ZBTB1: variants seen among roughly 807,000 people sequenced by gnomAD.
The protein encoded by ZBTB1 is zinc finger and BTB domain containing 1.
ZBTB1 carries 13 observed loss-of-function variants against 51.6 expected under a neutral mutation model. The ratio of observed to expected loss-of-function variants is 0.25; its 90% confidence interval spans 0.16 to 0.40. The LOEUF (loss-of-function observed/expected upper bound fraction) is 0.40. Ranked by LOEUF, ZBTB1 falls within the 10% of genes least tolerant of loss-of-function variation. ZBTB1 has a pLI of 1.00. For missense variants in ZBTB1, 567 were observed against 856.5 expected, an observed-to-expected ratio of 0.66 and a Z score of 4.22; for synonymous variants, 240 against 282.2, an observed-to-expected ratio of 0.85 and a Z score of 1.50.
chr14:64,526,659 A>C (rs2079906062), downstream of ZBTB1, among the ~76,000 whole-genome samples: 1 of 152,188 alleles, frequency 6.6e-6, no homozygotes, highest in South Asian at 2.1e-4. Flanking sequence ...AACAGGACTA[A>C]GAATCTCAGA....
downstream of ZBTB1, among the ~76,000 whole-genome samples, chr14:64,527,546 G>C (rs1014194441): frequency 6.6e-6 from 1 of 152,132 alleles, no homozygotes; most frequent in African/African-American, 2.4e-5. Flanking sequence ...AGGAGATGGA[G>C]GTTGCAGTGA....
downstream of ZBTB1, among the ~76,000 whole-genome samples, chr14:64,526,342 C>T (rs1292157841): frequency 6.6e-6 from 1 of 152,212 alleles, no homozygotes; most frequent in Non-Finnish European, 1.5e-5. Flanking sequence ...GGCAGAGCTG[C>T]AGAGCTGTCA....
intron 1 of ZBTB1, among the ~76,000 whole-genome samples, chr14:64,517,280 G>A (rs964282124): frequency 6.6e-6 from 1 of 152,098 alleles, no homozygotes; most frequent in African/African-American, 2.4e-5. Context: ...GGGTCAATGA[G>A]GATAAGCAAG....
chr14:64,522,481 T>C lies in ZBTB1; in HGVS notation c.977T>C (p.Ile326Thr). 1 of 1,614,094 alleles carries C rather than the reference T, an allele frequency of 6.2e-7. No homozygotes were observed. The highest frequency in any genetic ancestry group is 8.5e-7 in the Non-Finnish European group (1 of 1,180,020). ...KSRAAERKRI[I>T]IKMEPEDIPT... ...AGAGCTGCTGAGAGGAAAAGGATTA[T>C]TATTAAGATGGAGCCAGAAGATATT... Residue 326 changes from isoleucine (I) to threonine (T), a missense_variant, in exon 2 of 2, where the codon ATT becomes ACT. Ile to Thr is a moderately conservative substitution (Grantham distance 89). Around this residue, in one of 5 missense-constraint regions of ZBTB1, gnomAD observed 329 missense variants for 406.3 expected, o/e 0.81. Coordinates refer to ENST00000683701, the MANE Select transcript of ZBTB1 (RefSeq NM_001123329.2).
At chr14:64,529,944 T>C (rs952164128), downstream of ZBTB1, among the ~76,000 whole-genome samples, 1 of 152,164 alleles carries the variant, frequency 6.6e-6, no homozygotes, top group African/African-American at 2.4e-5. Flanking sequence ...AAAATACCTA[T>C]GGATTTTTAG....
At chr14:64,517,801 T>C (rs2079809923) in intron 1 of ZBTB1, among the ~76,000 whole-genome samples, 1 of 133,864 alleles carries the variant, frequency 7.5e-6, no homozygotes, top group Non-Finnish European at 1.6e-5. Flanking sequence ...TTTTTTTTTT[T>C]TTGAGACAGT....
At position 64,522,251 on chromosome 14, in the gene ZBTB1, T is replaced by G; in HGVS notation, c.747T>G (p.Ser249=). Residue 249 remains serine, a synonymous_variant, in exon 2 of 2, where the codon TCT becomes TCG. Coordinates refer to ENST00000683701, the MANE Select transcript of ZBTB1 (RefSeq NM_001123329.2). ...TNRHLYQNTR[S]YHRIVDIRDG... The stretch of plus-strand genomic sequence containing the variant: ...GACATTTATACCAAAACACAAGATC[T>G]TACCATAGAATAGTAGATATTAGAG... 2 of 1,614,200 alleles carry G rather than the reference T, an allele frequency of 1.2e-6. No individual in the cohort carries two copies. Among genetic ancestry groups the G allele is most frequent in the Non-Finnish European group, 1.7e-6 (2 of 1,180,032 alleles).
In ZBTB1 at chr14:64,517,772, TA is replaced by T. The variant is rs1566632832; in HGVS notation, c.-18-3714del. On this transcript the variant is annotated intron_variant, in intron 1 of 1. Coordinates refer to ENST00000683701, the MANE Select transcript of ZBTB1 (RefSeq NM_001123329.2). The stretch of plus-strand genomic sequence containing the variant: ...CCATTTAGAAATATATATATATATA[TA>T]TATATATATTTTTTTTTTTTTTTTT... 7.3e-3 allele frequency among the ~76,000 whole-genome samples: 570 copies of T among 77,912 alleles called. 7 individuals are homozygous for T. The highest frequency in any genetic ancestry group is 0.03 in the African/African-American group (521 of 17,184). The allele number at this position is 77,912 out of a possible 152,430, so 51.1% of individuals were successfully genotyped here. A position where few individuals can be genotyped will look rare whatever the true frequency, so the allele number is the denominator to read the frequency against.
chr14:64,522,476 G>T lies in ZBTB1; in HGVS notation c.972G>T (p.Arg324Ser). 6.2e-7 allele frequency: 1 copy of T among 1,614,098 alleles called. No individual in the cohort carries two copies. Among genetic ancestry groups the T allele is most frequent in the Non-Finnish European group, 8.5e-7 (1 of 1,180,028 alleles). Residue 324 changes from arginine (R) to serine (S), a missense_variant, in exon 2 of 2, where the codon AGG becomes AGT. Around this residue, in one of 5 missense-constraint regions of ZBTB1, gnomAD observed 329 missense variants for 406.3 expected, o/e 0.81. Transcript: ENST00000683701. ...EEKSRAAERK[R>S]IIIKMEPEDI... ...AAAGCAGAGCTGCTGAGAGGAAAAG[G>T]ATTATTATTAAGATGGAGCCAGAAG...
chr14:64,515,696 A>G (rs2079775364), intron 1 of ZBTB1, among the ~76,000 whole-genome samples: 1 of 151,770 alleles, frequency 6.6e-6, no homozygotes, highest in African/African-American at 2.4e-5. Context: ...AATTTTTTGT[A>G]TTTTTAGTAG....
downstream of ZBTB1, among the ~76,000 whole-genome samples, chr14:64,528,726 T>C (rs1244965286): frequency 2.6e-5 from 4 of 152,212 alleles, no homozygotes; most frequent in South Asian, 2.1e-4. Flanking sequence ...TATTTAGCAC[T>C]CTCTATACTC....
chr14:64,510,547 A>G (rs1306892568), intron 1 of ZBTB1, among the ~76,000 whole-genome samples: 1 of 152,216 alleles, frequency 6.6e-6, no homozygotes, highest in Non-Finnish European at 1.5e-5. Context: ...GACCCAAAGA[A>G]CCAATCGGCA....
At chr14:64,520,801 C>T (rs918162721) in intron 1 of ZBTB1, among the ~76,000 whole-genome samples, 2 of 151,968 alleles carry the variant, frequency 1.3e-5, no homozygotes, top group African/African-American at 2.4e-5. Context: ...TAATTGTTAA[C>T]TTTCAGTTTA....
At chr14:64,519,902 T>C (rs1596697061) in intron 1 of ZBTB1, among the ~76,000 whole-genome samples, 1 of 152,228 alleles carries the variant, frequency 6.6e-6, no homozygotes, top group East Asian at 1.9e-4. Flanking sequence ...TCTAACTCTA[T>C]AGAATTATTG....
chr14:64,526,686 C>A (rs973344206), downstream of ZBTB1, among the ~76,000 whole-genome samples: 2 of 152,122 alleles, frequency 1.3e-5, no homozygotes, highest in African/African-American at 4.8e-5. Context: ...TAGAGCACAA[C>A]CAAGGCAGCA....
At chr14:64,529,069 T>C (rs1263077075), downstream of ZBTB1, among the ~76,000 whole-genome samples, 1 of 152,212 alleles carries the variant, frequency 6.6e-6, no homozygotes, top group Admixed American at 6.5e-5. Flanking sequence ...TGCTGAATAA[T>C]GTGAAAACGT....
chr14:64,509,478 G>C (rs2079700606), intron 1 of ZBTB1, among the ~76,000 whole-genome samples: 2 of 152,282 alleles, frequency 1.3e-5, no homozygotes, highest in South Asian at 2.1e-4. Context: ...TGGTGTGTTA[G>C]GTTATTTGGG....
At chr14:64,514,909 A>T (rs774435126) in intron 1 of ZBTB1, among the ~76,000 whole-genome samples, 2 of 152,240 alleles carry the variant, frequency 1.3e-5, no homozygotes, top group Non-Finnish European at 2.9e-5. Context: ...ACCCTGATAC[A>T]TTAAAAACCA....
At chr14:64,526,684 A>C (rs765367001), downstream of ZBTB1, among the ~76,000 whole-genome samples, 10 of 152,168 alleles carry the variant, frequency 6.6e-5, no homozygotes, top group Non-Finnish European at 1.3e-4. Flanking sequence ...AATAGAGCAC[A>C]ACCAAGGCAG....
Sources: allele counts gnomAD v4.1 joint callset (sites outside exome capture counted in the v4.1 genomes callset), GRCh38; gene constraint gnomAD v4.1.1; regional missense constraint gnomAD v4.1.1; transcripts MANE v1.5; gene names NCBI Gene and HGNC (gene_info 2026-07-23, HGNC 2026-07-21).